UTRN: variants seen among roughly 807,000 people sequenced by gnomAD.
UTRN encodes dystrophin-related protein 1.
In UTRN, 283 loss-of-function variants were observed where a neutral mutation model predicts 463.9. That is an observed-to-expected ratio of 0.61 (90% confidence interval 0.55 to 0.67). UTRN has a LOEUF of 0.67. UTRN is among the 30% of genes least tolerant of loss of function. The probability of loss-of-function intolerance (pLI) is 0.00; values close to 1 mark genes in which losing one functional copy is unlikely to be tolerated. For missense variants in UTRN, 3,922 were observed against 4,084.3 expected, an observed-to-expected ratio of 0.96 and a Z score of 1.08; for synonymous variants, 1,442 against 1,431.5, an observed-to-expected ratio of 1.01 and a Z score of -0.17.
chr6:144,485,631 G>A, intron 28 of UTRN, 112 bp downstream of exon 28: 1 of 1,459,350 alleles, frequency 6.9e-7, no homozygotes. Flanking sequence ...TTCCTCAGTG[G>A]TTTTCAATGT....
intron 50 of UTRN, among the ~76,000 whole-genome samples, chr6:144,560,987 CTAA>C (rs1419943880): frequency 2.0e-5 from 3 of 151,480 alleles, no homozygotes; most frequent in Non-Finnish European, 4.4e-5. Flanking sequence ...AGGCCTGTCT[CTAA>C]TGTTTCTAAC....
intron 72 of UTRN, among the ~76,000 whole-genome samples, chr6:144,839,751 C>T (rs1177810742): frequency 1.3e-5 from 2 of 152,170 alleles, no homozygotes; most frequent in East Asian, 3.8e-4. Flanking sequence ...TCAGAGGCAG[C>T]GGTCCCACGC....
chr6:144,291,289 T>G (rs952811016), intron 1 of UTRN, among the ~76,000 whole-genome samples: 1 of 152,234 alleles, frequency 6.6e-6, no homozygotes, highest in Non-Finnish European at 1.5e-5. Flanking sequence ...GCTCCATTCT[T>G]TGACTGCTCC....
chr6:144,622,661 A>G (rs1377864714), intron 51 of UTRN, among the ~76,000 whole-genome samples: 1 of 152,246 alleles, frequency 6.6e-6, no homozygotes, highest in Non-Finnish European at 1.5e-5. Flanking sequence ...GTTAGAAATC[A>G]TCTGTATTGT....
rs1391017209 is a variant in UTRN, at chr6:144,751,791, G to T, written c.8209-15G>T. On this transcript the variant is annotated splice_polypyrimidine_tract_variant and intron_variant, in intron 55 of 74. Coordinates refer to ENST00000367545, the MANE Select transcript of UTRN (RefSeq NM_007124.3). ...ATTCGTTTCCAATAATATATTTTTTGTTCTTTTCTTCTAGGCATTTAGAGA... is the reference window on the plus strand; with the variant it reads ...ATTCGTTTCCAATAATATATTTTTTTTTCTTTTCTTCTAGGCATTTAGAGA... 3.8e-6 allele frequency: 6 copies of T among 1,584,650 alleles called. No individual in the cohort carries two copies. Among genetic ancestry groups the T allele is most frequent in the Admixed American group, 1.9e-5 (1 of 53,932 alleles).
At chr6:144,638,396 G>C (rs988387769) in intron 51 of UTRN, among the ~76,000 whole-genome samples, 1 of 152,142 alleles carries the variant, frequency 6.6e-6, no homozygotes, top group Non-Finnish European at 1.5e-5. Flanking sequence ...GCAGTGTTTT[G>C]TTTTGAATGT....
At position 144,748,434 on chromosome 6, in the gene UTRN, G is replaced by A. The variant is rs1423590352; in HGVS notation, c.8128G>A (p.Ala2710Thr). 1 of 1,613,934 alleles carries A rather than the reference G, an allele frequency of 6.2e-7. No homozygotes were observed. The highest frequency in any genetic ancestry group is 1.3e-5 in the African/African-American group (1 of 75,032). Residue 2710 changes from alanine (A) to threonine (T), a missense_variant, in exon 55 of 75, where the codon GCA becomes ACA. Physicochemically the swap from Ala to Thr is moderately conservative, Grantham distance 58 (BLOSUM62 0). This residue lies in a region of UTRN where 1,309 missense variants were observed against 1,452.6 expected (regional missense o/e 0.90). Transcript: ENST00000367545. ...TGACCTGGACGCTGACATGAAGGAGGCAGAGTCCGTGCGGAATGGCTGGAA... is the reference window on the plus strand; with the variant it reads ...TGACCTGGACGCTGACATGAAGGAGACAGAGTCCGTGCGGAATGGCTGGAA... Reference protein sequence around the residue: ...MDDLDADMKEAESVRNGWKPV... With the variant: ...MDDLDADMKETESVRNGWKPV...
At chr6:144,307,722 A>G (rs1015331905) in intron 2 of UTRN, among the ~76,000 whole-genome samples, 3 of 152,200 alleles carry the variant, frequency 2.0e-5, no homozygotes, top group Admixed American at 6.5e-5. Flanking sequence ...CCAGTTTTGC[A>G]TATAATGTAT....
chr6:144,709,291 A>G (rs1785417664), intron 53 of UTRN, among the ~76,000 whole-genome samples: 1 of 152,200 alleles, frequency 6.6e-6, no homozygotes, highest in Non-Finnish European at 1.5e-5. Flanking sequence ...CAATTTTTTC[A>G]GATATGTTTT....
At chr6:144,748,637 C>A in intron 55 of UTRN, 123 bp downstream of exon 55, 1 of 1,295,270 alleles carries the variant, frequency 7.7e-7, no homozygotes, top group Non-Finnish European at 1.0e-6. Context: ...GCCGCTGCAA[C>A]CCCACCCATC....
chr6:144,846,693 C>A, intron 73 of UTRN, 112 bp from the exon 74 acceptor site: 1 of 1,408,568 alleles, frequency 7.1e-7, no homozygotes, highest in Non-Finnish European at 9.9e-7. Context: ...AACAACTGGG[C>A]TATTATTACC....
intron 53 of UTRN, among the ~76,000 whole-genome samples, chr6:144,727,367 T>A (rs553265906): frequency 6.6e-6 from 1 of 152,372 alleles, no homozygotes; most frequent in African/African-American, 2.4e-5. Flanking sequence ...GATCTTCATC[T>A]TCTCTTCAGT....
At chr6:144,549,106 G>A (rs191334363) in intron 47 of UTRN, among the ~76,000 whole-genome samples, 16 of 152,274 alleles carry the variant, frequency 1.1e-4, no homozygotes, top group Non-Finnish European at 1.9e-4. Context: ...AACTGATACC[G>A]TAAAGCTAGG....
chr6:144,414,038 T>C (rs1784152381), intron 3 of UTRN, among the ~76,000 whole-genome samples: 1 of 151,948 alleles, frequency 6.6e-6, no homozygotes, highest in East Asian at 1.9e-4. Flanking sequence ...CCTGATCTCA[T>C]GATCTGCCCG....
chr6:144,489,602 T>C (rs550446774), intron 30 of UTRN, among the ~76,000 whole-genome samples: 1 of 152,016 alleles, frequency 6.6e-6, no homozygotes, highest in Admixed American at 6.6e-5. Context: ...GTGGGCCATA[T>C]TATTATTATT....
chr6:144,675,659 T>C (rs957002047), intron 51 of UTRN, among the ~76,000 whole-genome samples: 48 of 152,190 alleles, frequency 3.2e-4, no homozygotes, highest in African/African-American at 1.2e-3. Context: ...TTGCCCTATG[T>C]TGGCCAGGAT....
chr6:144,514,174 G>A, intron 36 of UTRN, 137 bp downstream of exon 36: 5 of 1,245,448 alleles, frequency 4.0e-6, no homozygotes, highest in Non-Finnish European at 5.6e-6. Context: ...TTTGATGGGA[G>A]AAACTGAGAC....
intron 54 of UTRN, among the ~76,000 whole-genome samples, chr6:144,735,776 T>C (rs1789318144): frequency 6.6e-6 from 1 of 152,170 alleles, no homozygotes; most frequent in South Asian, 2.1e-4. Flanking sequence ...GGTCAGTCAT[T>C]TAAGGGTTAA....
intron 51 of UTRN, among the ~76,000 whole-genome samples, chr6:144,635,277 A>G (rs1776999592): frequency 6.6e-6 from 1 of 151,200 alleles, no homozygotes; most frequent in Non-Finnish European, 1.5e-5. Flanking sequence ...CTGCCTACTA[A>G]GTAGCTGGGA....
Sources: allele counts gnomAD v4.1 joint callset (sites outside exome capture counted in the v4.1 genomes callset), GRCh38; gene constraint gnomAD v4.1.1; regional missense constraint gnomAD v4.1.1; transcripts MANE v1.5; gene names NCBI Gene and HGNC (gene_info 2026-07-23, HGNC 2026-07-21).